Variants in KLF3 observed in about 807,000 individuals in gnomAD.
KLF3 encodes the protein Krueppel-like factor 3.
A neutral mutation model predicts 32.7 loss-of-function variants in KLF3; 6 were observed. The ratio of observed to expected loss-of-function variants is 0.18; its 90% CI spans 0.10 to 0.36. The LOEUF is 0.36. Among genes scored for constraint, KLF3 ranks in the 10% least tolerant of loss-of-function variants. The pLI is 1.00. For missense variants in KLF3, 338 were observed against 449.7 expected, an observed-to-expected ratio of 0.75 and a Z score of 2.25; for synonymous variants, 145 against 172.8, an observed-to-expected ratio of 0.84 and a Z score of 1.26.
chr4:38,689,614 C>A (rs1722817075), intron 3 of KLF3, 115 bp from the exon 4 acceptor site: 1 of 741,770 alleles, frequency 1.3e-6, no homozygotes. Context: ...TATAGTCTGC[C>A]AAAGGCAAAT....
At chr4:38,690,956 G>A (rs1010237059) in intron 4 of KLF3, among the ~76,000 whole-genome samples, 3 of 152,024 alleles carry the variant, frequency 2.0e-5, no homozygotes, top group Non-Finnish European at 2.9e-5. Context: ...AGTCATTTTT[G>A]GTTTGGGTTG....
chr4:38,681,356 C>G (rs1560416208), intron 2 of KLF3, among the ~76,000 whole-genome samples: 2 of 152,196 alleles, frequency 1.3e-5, no homozygotes, highest in African/African-American at 2.4e-5. Context: ...TGACAACAGC[C>G]ATATGGAGCT....
In KLF3 at chr4:38,699,293, T is replaced by G. The variant is rs1271664451; in HGVS notation, c.*2030T>G. Reference sequence around the variant, plus strand: ...ATTTTTTTTTCAGCTGAAGTTTTTCTTTTTTGCAACTATGACATGAATTGA... The same window carrying G: ...ATTTTTTTTTCAGCTGAAGTTTTTCGTTTTTGCAACTATGACATGAATTGA... On this transcript the variant is annotated 3_prime_UTR_variant, in exon 6 of 6. Coordinates refer to ENST00000261438, the MANE Select transcript of KLF3 (RefSeq NM_016531.6). 1 of 152,202 alleles carries G rather than the reference T, an allele frequency of 6.6e-6. No individual in the cohort carries two copies. The highest frequency in any genetic ancestry group is 2.4e-5 in the African/African-American group (1 of 41,452). 9.4% of individuals were successfully genotyped at this position (152,202 alleles called of 1,614,324 possible). A position where few individuals can be genotyped will look rare whatever the true frequency, so the allele number is the denominator to read the frequency against.
At chr4:38,694,995 A>G in intron 5 of KLF3, 89 bp downstream of exon 5, 2 of 1,282,230 alleles carry the variant, frequency 1.6e-6, no homozygotes, top group Non-Finnish European at 2.2e-6. Flanking sequence ...GTTTTCAGGC[A>G]TCTTGAAAGT....
At chr4:38,695,910 G>A (rs1008173600) in intron 5 of KLF3, among the ~76,000 whole-genome samples, 5 of 152,080 alleles carry the variant, frequency 3.3e-5, no homozygotes, top group Non-Finnish European at 7.4e-5. Context: ...AATTTACAAA[G>A]AGGAATCTGA....
rs189449621 is a variant in KLF3, at chr4:38,671,681, G to C, written c.-40+7220G>C. On this transcript the variant is annotated intron_variant, in intron 1 of 5. Transcript: ENST00000261438. This position sits in a 1 kb window ranked among gnomAD's most constrained non-coding sequence, Gnocchi z 4.4. ...GTCCTGGCTCTACGAGTTAGCAGCT[G>C]TGTGATGTTAGGCAGGTTACTTGAC... 6.6e-6 allele frequency among the ~76,000 whole-genome samples: 1 copy of C among 152,302 alleles called. No individual in the cohort carries two copies. The highest frequency in any genetic ancestry group is 2.4e-5 in the African/African-American group (1 of 41,556).
intron 1 of KLF3, among the ~76,000 whole-genome samples, chr4:38,678,384 G>A (rs1046671768): frequency 6.6e-6 from 1 of 152,144 alleles, no homozygotes; most frequent in African/African-American, 2.4e-5. Context: ...CCCTCATTAC[G>A]AAATCATCTA....
intron 1 of KLF3, among the ~76,000 whole-genome samples, chr4:38,672,070 G>A (rs1167594177): frequency 6.6e-6 from 1 of 152,156 alleles, no homozygotes; most frequent in Non-Finnish European, 1.5e-5. Context: ...TACACATGAT[G>A]GGCCAGGCTA....
rs1005349489 is a variant in KLF3 at position 38,671,280 on chromosome 4, T to C, written c.-40+6819T>C. Among the ~76,000 whole-genome samples the C allele has an allele frequency of 7.9e-5, 12 of 152,256 alleles. No individual in the cohort carries two copies. Among genetic ancestry groups the C allele is most frequent in the African/African-American group, 2.9e-4 (12 of 41,468 alleles). On this transcript the variant is annotated intron_variant, in intron 1 of 5. Coordinates refer to ENST00000261438, the MANE Select transcript of KLF3 (RefSeq NM_016531.6). The surrounding 1 kb of genome is among the most constrained non-coding windows in gnomAD (Gnocchi z 4.4). ...TGAGGACCTGACCCTTCCACCTTTGTGCAGTTATTATGAGGATTTCCGTAT... is the reference window on the plus strand; with the variant it reads ...TGAGGACCTGACCCTTCCACCTTTGCGCAGTTATTATGAGGATTTCCGTAT...
At chr4:38,672,470 G>C (rs777968996) in intron 1 of KLF3, among the ~76,000 whole-genome samples, 2 of 152,186 alleles carry the variant, frequency 1.3e-5, no homozygotes. Flanking sequence ...TGCACAGAGT[G>C]GGGAGGGCCT....
chr4:38,699,364 A>G lies in KLF3; in HGVS notation c.*2101A>G, dbSNP rs1723139656. The stretch of plus-strand genomic sequence containing the variant: ...AAAGTAGATATTGTCTGTATTGTAA[A>G]TGCTTAGTCATATTCATGGCAAAGT... On this transcript the variant is annotated 3_prime_UTR_variant, in exon 6 of 6. Transcript: ENST00000261438. 1 of 152,200 alleles carries G rather than the reference A, an allele frequency of 6.6e-6. No homozygotes were observed. The highest frequency in any genetic ancestry group is 2.4e-5 in the African/African-American group (1 of 41,440). The allele number at this position is 152,200 out of a possible 1,614,324, so 9.4% of individuals were successfully genotyped here.
intron 1 of KLF3, among the ~76,000 whole-genome samples, chr4:38,673,887 G>A (rs1442276104): frequency 6.6e-6 from 1 of 152,130 alleles, no homozygotes; most frequent in African/African-American, 2.4e-5. Flanking sequence ...ATAGGGTGGA[G>A]CAGATGGGTG....
intron 4 of KLF3, among the ~76,000 whole-genome samples, chr4:38,692,346 C>G (rs368783078): frequency 6.6e-6 from 1 of 152,142 alleles, no homozygotes; most frequent in Non-Finnish European, 1.5e-5. Context: ...TTCAGAGATG[C>G]GGCAGGTTAA....
At chr4:38,680,316 C>T (rs1036709154) in intron 1 of KLF3, among the ~76,000 whole-genome samples, 3 of 151,926 alleles carry the variant, frequency 2.0e-5, no homozygotes, top group South Asian at 4.1e-4. Context: ...TGGGTTCAAG[C>T]GATTCTCCTG....
chr4:38,684,579 G>A (rs1369091312), intron 2 of KLF3, among the ~76,000 whole-genome samples: 5 of 83,614 alleles, frequency 6.0e-5, no homozygotes, highest in African/African-American at 1.8e-4. Context: ...TTTTGGTTTT[G>A]AGACAAGGTA....
At chr4:38,680,308 G>A (rs1428790735) in intron 1 of KLF3, among the ~76,000 whole-genome samples, 1 of 151,986 alleles carries the variant, frequency 6.6e-6, no homozygotes, top group Non-Finnish European at 1.5e-5. Flanking sequence ...CCGCCTCCTG[G>A]GTTCAAGCGA....
At chr4:38,692,945 A>C (rs3821998) in intron 4 of KLF3, among the ~76,000 whole-genome samples, 14,238 of 151,694 alleles carry the variant, frequency 0.094, 751 homozygotes, top group African/African-American at 0.11. Flanking sequence ...AAAGTTAAAA[A>C]TAAACTGAAC....
In KLF3 at chr4:38,682,097, C is replaced by T. The variant is rs377416146; in HGVS notation, c.57+1415C>T. Among the ~76,000 whole-genome samples, 12 of 152,238 alleles carry T rather than the reference C, an allele frequency of 7.9e-5. No homozygotes were observed. In the South Asian group the frequency reaches 1.2e-3, roughly 16 times the overall value. On this transcript the variant is annotated intron_variant, in intron 2 of 5. Coordinates refer to ENST00000261438, the MANE Select transcript of KLF3 (RefSeq NM_016531.6). ...TTTTTGAGATGGAGTCTCACTCTGT[C>T]GCCTAGGCGGGAGTGCAGTGGTGTG...
In KLF3 at chr4:38,697,517, C is replaced by A; in HGVS notation, c.*254C>A. 5.2e-6 allele frequency: 2 copies of A among 382,770 alleles called. No individual in the cohort carries two copies. The highest frequency in any genetic ancestry group is 4.1e-5 in the Admixed American group (1 of 24,448). The allele number at this position is 382,770 out of a possible 1,614,324, so 23.7% of individuals were successfully genotyped here. ...TTTTTTCTGGGGATGCTAAGCAAAC[C>A]CTTCTTACAGATACGTTTAATGTAA... On this transcript the variant is annotated 3_prime_UTR_variant, in exon 6 of 6. Transcript: ENST00000261438.
Sources: gnomAD v4.1 joint callset for allele counts (sites outside exome capture counted in the v4.1 genomes callset) on GRCh38, gnomAD v4.1.1 for gene constraint, Gnocchi (gnomAD v3.1) non-coding constraint, MANE v1.5 for transcripts, NCBI Gene and HGNC (gene_info 2026-07-23, HGNC 2026-07-21) for gene names.